The following COL8A1 variants were observed in gnomAD, a reference collection of about 807,000 sequenced individuals.
COL8A1 encodes the protein collagen type VIII alpha 1 chain.
A neutral mutation model predicts 42.7 loss-of-function variants in COL8A1; 21 were observed. That is an observed-to-expected ratio of 0.49 (90% CI 0.35 to 0.71). The LOEUF (loss-of-function observed/expected upper bound fraction) is 0.71, where lower values mean the gene tolerates loss of function less well. Ranked by LOEUF, COL8A1 falls within the 30% of genes least tolerant of loss-of-function variation. COL8A1 has a pLI of 0.01. For missense variants in COL8A1, 788 were observed against 962.4 expected (o/e 0.82, Z 2.40); for synonymous variants, 367 against 369.1 (o/e 0.99, Z 0.06).
chr3:99,721,264 T>A (rs2107369190), intron 1 of COL8A1, among the ~76,000 whole-genome samples: 1 of 148,238 alleles, frequency 6.7e-6, no homozygotes, highest in East Asian at 2.0e-4. Flanking sequence ...GTCAAAAACA[T>A]GAAAAGACGT....
intron 1 of COL8A1, among the ~76,000 whole-genome samples, chr3:99,731,164 G>A (rs1299758239): frequency 1.3e-5 from 2 of 152,136 alleles, no homozygotes; most frequent in East Asian, 1.9e-4. Flanking sequence ...TAAACAAAAT[G>A]TATAATTAAG....
intron 1 of COL8A1, among the ~76,000 whole-genome samples, chr3:99,646,964 C>T (rs1320289272): frequency 6.6e-6 from 1 of 152,098 alleles, no homozygotes; most frequent in Non-Finnish European, 1.5e-5. Context: ...TCTCTGCATC[C>T]CTTGCTTCAA....
chr3:99,752,790 A>T (rs1213698601), intron 2 of COL8A1, among the ~76,000 whole-genome samples: 1 of 151,822 alleles, frequency 6.6e-6, no homozygotes, highest in African/African-American at 2.4e-5. Context: ...ATGTCTATTG[A>T]AATGAACAAA....
At chr3:99,734,931 T>C (rs1940655925) in intron 1 of COL8A1, among the ~76,000 whole-genome samples, 1 of 150,520 alleles carries the variant, frequency 6.6e-6, no homozygotes, top group Non-Finnish European at 1.5e-5. Context: ...GGGAGTTCAC[T>C]CATGATTTGG....
intron 1 of COL8A1, among the ~76,000 whole-genome samples, chr3:99,726,424 C>G (rs542349961): frequency 5.3e-5 from 8 of 151,406 alleles, no homozygotes; most frequent in Non-Finnish European, 1.0e-4. Context: ...AATTAGATCC[C>G]ATTTGTCAAT....
At chr3:99,655,774 A>G (rs1168339956) in intron 1 of COL8A1, among the ~76,000 whole-genome samples, 3 of 152,174 alleles carry the variant, frequency 2.0e-5, no homozygotes, top group African/African-American at 7.2e-5. Context: ...CTTTGAGCCT[A>G]TTTACCTTTA....
At chr3:99,700,766 CA>C (rs1939513511) in intron 1 of COL8A1, among the ~76,000 whole-genome samples, 1 of 152,136 alleles carries the variant, frequency 6.6e-6, no homozygotes, top group Non-Finnish European at 1.5e-5. Context: ...CTGTCACTAC[CA>C]AAACATGGCT....
At chr3:99,708,575 C>A (rs186887569) in intron 1 of COL8A1, among the ~76,000 whole-genome samples, 1 of 152,228 alleles carries the variant, frequency 6.6e-6, no homozygotes, top group Admixed American at 6.5e-5. Flanking sequence ...TTCGGAAAAA[C>A]CATACTGGCA....
At chr3:99,680,938 G>A (rs1337413592) in intron 1 of COL8A1, among the ~76,000 whole-genome samples, 1 of 152,110 alleles carries the variant, frequency 6.6e-6, no homozygotes, top group Non-Finnish European at 1.5e-5. Flanking sequence ...CTAGCCATAT[G>A]TAGAAAGCTG....
chr3:99,714,637 A>ATTCATTTATCCATCG (rs1439971468), intron 1 of COL8A1, among the ~76,000 whole-genome samples: 3 of 152,126 alleles, frequency 2.0e-5, no homozygotes, highest in African/African-American at 7.2e-5. Context: ...TTTATCCATC[A>ATTCATTTATCCATCG]TTCATTTATC....
At chr3:99,690,360 A>T (rs1939181587) in intron 1 of COL8A1, among the ~76,000 whole-genome samples, 1 of 152,242 alleles carries the variant, frequency 6.6e-6, no homozygotes, top group Non-Finnish European at 1.5e-5. Flanking sequence ...GCATTTCATG[A>T]GACTAATGTC....
chr3:99,746,805 G>T (rs1229700628), intron 2 of COL8A1, among the ~76,000 whole-genome samples: 1 of 152,132 alleles, frequency 6.6e-6, no homozygotes, highest in African/African-American at 2.4e-5. Flanking sequence ...ATTCAGGCAG[G>T]CCTGAAGCTT....
At chr3:99,661,454 A>G (rs1223354376) in intron 1 of COL8A1, among the ~76,000 whole-genome samples, 1 of 152,240 alleles carries the variant, frequency 6.6e-6, no homozygotes, top group East Asian at 1.9e-4. Context: ...AACAAAAAAC[A>G]AAAACCAGAA....
rs138503372 is a variant in COL8A1 at position 99,662,653 on chromosome 3, C to T, written c.-129+23989C>T. Among the ~76,000 whole-genome samples the T allele has an allele frequency of 2.6e-5, 4 of 152,278 alleles. No homozygotes were observed. The East Asian group carries it at 7.7e-4, about 29-fold the overall frequency. On this transcript the variant is annotated intron_variant, in intron 1 of 3. Coordinates refer to ENST00000652472, the MANE Select transcript of COL8A1 (RefSeq NM_020351.4). ...ATGCAACAAACTGGGTGACTTGCAA[C>T]AGTTCTGGAGGCCAGAAGTTCAAGA...
chr3:99,696,643 T>C (rs1939376967), intron 1 of COL8A1, among the ~76,000 whole-genome samples: 1 of 152,198 alleles, frequency 6.6e-6, no homozygotes, highest in African/African-American at 2.4e-5. Flanking sequence ...GGAGATTCCA[T>C]CTACCAGGGC....
intron 2 of COL8A1, among the ~76,000 whole-genome samples, chr3:99,781,344 T>C (rs1375778430): frequency 6.6e-6 from 1 of 152,170 alleles, no homozygotes; most frequent in Non-Finnish European, 1.5e-5. Context: ...TTAGAAAACA[T>C]TGATTAATTA....
At chr3:99,790,571 T>C in intron 2 of COL8A1, 109 bp from the exon 3 acceptor site, 1 of 802,046 alleles carries the variant, frequency 1.2e-6, no homozygotes, top group Non-Finnish European at 2.0e-6. Flanking sequence ...CATGAAGTTC[T>C]GATGTTAAAG....
intron 1 of COL8A1, among the ~76,000 whole-genome samples, chr3:99,707,581 C>T (rs1488245249): frequency 6.6e-6 from 1 of 152,174 alleles, no homozygotes; most frequent in Non-Finnish European, 1.5e-5. Flanking sequence ...CCCTTGCGTC[C>T]TCTTGATTTT....
rs75534046 is a variant in COL8A1 at position 99,784,997 on chromosome 3, G to A, written c.-3-5683G>A. 6.1e-3 allele frequency among the ~76,000 whole-genome samples: 932 copies of A among 152,186 alleles called. 6 individuals carry two copies. Among genetic ancestry groups the A allele is most frequent in the African/African-American group, 0.018 (741 of 41,520 alleles). On this transcript the variant is annotated intron_variant, in intron 2 of 3. Transcript: ENST00000652472. ...TTAGCACAACAATAAAAGGTCATGT[G>A]CCCATCTTTTATGTTATGACCAAGT...
Sources: gnomAD v4.1 joint callset for allele counts (sites outside exome capture counted in the v4.1 genomes callset) on GRCh38, gnomAD v4.1.1 for gene constraint, MANE v1.5 for transcripts, NCBI Gene and HGNC (gene_info 2026-07-23, HGNC 2026-07-21) for gene names.